BACH1: variants seen among roughly 807,000 people sequenced by gnomAD.
The protein encoded by BACH1 is transcription regulator protein BACH1.
Under a neutral mutation model 52.9 loss-of-function variants are expected in BACH1, and 35 were observed. That is an observed-to-expected ratio of 0.66 (90% CI 0.51 to 0.88). BACH1 has a LOEUF of 0.88. Among genes scored for constraint, BACH1 ranks in the 40% least tolerant of loss-of-function variants. The pLI, the probability that BACH1 is intolerant of heterozygous loss-of-function variation, is 0.00. For missense variants in BACH1, 808 were observed against 872.6 expected (o/e 0.93, Z 0.93); for synonymous variants, 321 against 319.6 (o/e 1.00, Z -0.05).
intron 4 of BACH1, among the ~76,000 whole-genome samples, chr21:29,332,303 A>G (rs904626067): frequency 2.0e-5 from 3 of 152,162 alleles, no homozygotes; most frequent in African/African-American, 7.2e-5. Flanking sequence ...TGTGTTTGGT[A>G]TATTGCTTCT....
intron 4 of BACH1, among the ~76,000 whole-genome samples, chr21:29,330,252 C>T (rs1225038103): frequency 6.6e-6 from 1 of 152,154 alleles, no homozygotes; most frequent in East Asian, 1.9e-4. Context: ...GCAAGCTCTG[C>T]CTGCTGGGTT....
chr21:29,317,669 C>T (rs565732972), intron 1 of BACH1, among the ~76,000 whole-genome samples: 3 of 152,022 alleles, frequency 2.0e-5, no homozygotes, highest in Non-Finnish European at 2.9e-5. Context: ...TGGAAGATGA[C>T]GTAGGGTTTT....
chr21:29,323,755 A>G lies in BACH1; in HGVS notation c.234+2241A>G, dbSNP rs369256095. On this transcript the variant is annotated intron_variant, in intron 2 of 4. Transcript: ENST00000286800. ...GTTTTCATGTACAGATGTAAGAAAC[A>G]ATGCAGAGTTCCTTTTCACTTTGTC... Among the ~76,000 whole-genome samples the G allele has an allele frequency of 2.3e-4, 35 of 152,342 alleles. No homozygotes were observed. In the East Asian group the frequency reaches 4.0e-3, roughly 18 times the overall value.
intron 1 of BACH1, among the ~76,000 whole-genome samples, chr21:29,304,621 A>G (rs1291719527): frequency 6.6e-6 from 1 of 152,082 alleles, no homozygotes; most frequent in East Asian, 1.9e-4. Flanking sequence ...CTGTAGAGTA[A>G]ATAGTATAGT....
chr21:29,350,821 CAG>C (rs1672589013), downstream of BACH1, among the ~76,000 whole-genome samples: 1 of 152,120 alleles, frequency 6.6e-6, no homozygotes, highest in Non-Finnish European at 1.5e-5. Context: ...TACGTGGAGG[CAG>C]AGTCTGGGGG....
intron 4 of BACH1, among the ~76,000 whole-genome samples, chr21:29,342,192 G>C (rs932417744): frequency 6.6e-6 from 1 of 152,186 alleles, no homozygotes; most frequent in African/African-American, 2.4e-5. Flanking sequence ...CCTGAAAAAT[G>C]CTTTGTGCCA....
At chr21:29,302,093 C>G (rs1000034184) in intron 1 of BACH1, among the ~76,000 whole-genome samples, 3 of 152,184 alleles carry the variant, frequency 2.0e-5, no homozygotes, top group Non-Finnish European at 4.4e-5. Flanking sequence ...ATCACCACCT[C>G]TCTTCTAATT....
chr21:29,341,010 AC>A (rs2089106189), intron 4 of BACH1, among the ~76,000 whole-genome samples: 1 of 151,938 alleles, frequency 6.6e-6, no homozygotes, highest in Non-Finnish European at 1.5e-5. Flanking sequence ...AAAAATCTGA[AC>A]AGATTGGAGA....
chr21:29,357,490 A>G (rs1489824251), intron 2 of BACH1, among the ~76,000 whole-genome samples: 2 of 152,196 alleles, frequency 1.3e-5, no homozygotes, highest in South Asian at 4.1e-4. Context: ...AGCGCCTGGT[A>G]TCTGAGTAGG....
At chr21:29,348,583 T>TACACTGATCATTCCTGGGGGA (rs1236781266), downstream of BACH1, among the ~76,000 whole-genome samples, 4 of 152,222 alleles carry the variant, frequency 2.6e-5, no homozygotes, top group African/African-American at 9.6e-5. Context: ...TTTGGCCGTA[T>TACACTGATCATTCCTGGGGGA]ACACTGATCA....
At chr21:29,328,228 T>A (rs1268298369) in intron 3 of BACH1, among the ~76,000 whole-genome samples, 1 of 152,208 alleles carries the variant, frequency 6.6e-6, no homozygotes, top group East Asian at 1.9e-4. Flanking sequence ...TATTGATGAA[T>A]GTCTTAATTT....
chr21:29,308,071 C>T (rs2088678753), intron 1 of BACH1, among the ~76,000 whole-genome samples: 1 of 152,282 alleles, frequency 6.6e-6, no homozygotes. Context: ...TTTCCCTACT[C>T]AGTAGTTCCT....
chr21:29,339,418 G>A (rs2089084342), intron 4 of BACH1, among the ~76,000 whole-genome samples: 1 of 152,038 alleles, frequency 6.6e-6, no homozygotes. Flanking sequence ...TCTCTGAACT[G>A]CCGTTCAGAG....
intron 1 of BACH1, among the ~76,000 whole-genome samples, chr21:29,307,973 G>A (rs1374605579): frequency 6.6e-6 from 1 of 152,168 alleles, no homozygotes; most frequent in Non-Finnish European, 1.5e-5. Flanking sequence ...GCCAGAGTAG[G>A]CTTCTGAACT....
At position 29,342,981 on chromosome 21, in the gene BACH1, G is replaced by A. The variant is rs2089133289; in HGVS notation, c.*148G>A. 1.4e-6 allele frequency: 1 copy of A among 739,942 alleles called. No homozygotes were observed. The highest frequency in any genetic ancestry group is 2.0e-6 in the Non-Finnish European group (1 of 494,426). The allele number at this position is 739,942 out of a possible 1,614,324, so 45.8% of individuals were successfully genotyped here. A position where few individuals can be genotyped will look rare whatever the true frequency, so the allele number is the denominator to read the frequency against. ...AGGGAATTTCCTTTAAGTCAACCAT[G>A]ATTTCTCCTTGATTTCTACAAGAGA... On this transcript the variant is annotated 3_prime_UTR_variant, in exon 5 of 5. Transcript: ENST00000286800.
chr21:29,326,738 A>T lies in BACH1; in HGVS notation c.914A>T (p.Glu305Val). 1 of 1,614,072 alleles carries T rather than the reference A, an allele frequency of 6.2e-7. No individual in the cohort carries two copies. The highest frequency in any genetic ancestry group is 1.1e-5 in the South Asian group (1 of 91,088). ...PASQCPTEKS[E>V]VTPFPHNSSI... ...TCTCAGTGCCCAACTGAAAAATCAG[A>T]AGTGACTCCTTTCCCCCACAATTCT... The change falls in exon 3 of 5, where the codon GAA becomes GTA. Residue 305 changes from glutamate to valine, a missense_variant. By Grantham distance (121) the Glu-to-Val change is moderately radical (BLOSUM62 -2). Coordinates refer to ENST00000286800, the MANE Select transcript of BACH1 (RefSeq NM_001186.4).
At chr21:29,354,711 G>C (rs1224105696) in intron 2 of BACH1, among the ~76,000 whole-genome samples, 1 of 152,244 alleles carries the variant, frequency 6.6e-6, no homozygotes, top group Non-Finnish European at 1.5e-5. Context: ...ATTCAGTGAT[G>C]AGTGTACTGC....
At chr21:29,335,769 G>C (rs1859722268) in intron 4 of BACH1, among the ~76,000 whole-genome samples, 1 of 152,064 alleles carries the variant, frequency 6.6e-6, no homozygotes, top group Admixed American at 6.5e-5. Flanking sequence ...TATCCATCTT[G>C]GTCCTTTTTT....
At position 29,342,410 on chromosome 21, in the gene BACH1, G is replaced by C; in HGVS notation, c.1788G>C (p.Lys596Asn). The C allele has an allele frequency of 6.2e-7, 1 of 1,612,904 alleles. No individual in the cohort carries two copies. Among genetic ancestry groups the C allele is most frequent in the Non-Finnish European group, 8.5e-7 (1 of 1,179,222 alleles). Residue 596 changes from lysine (K) to asparagine (N), a missense_variant, in exon 5 of 5, where the codon AAG (lysine) becomes AAC (asparagine). Physicochemically the swap from Lys to Asn is moderately conservative, Grantham distance 94 (BLOSUM62 0). Coordinates refer to ENST00000286800, the MANE Select transcript of BACH1 (RefSeq NM_001186.4). The stretch of plus-strand genomic sequence containing the variant: ...TCCCCACTTCACAGCAAAGTGAAAA[G>C]GAGAGCTTGTTGAAGGAAAGAGATC... ...ESEIEKLQSE[K>N]ESLLKERDHI...
Sources: gnomAD v4.1 joint callset for allele counts (sites outside exome capture counted in the v4.1 genomes callset) on GRCh38, gnomAD v4.1.1 for gene constraint, MANE v1.5 for transcripts, NCBI Gene and HGNC (gene_info 2026-07-23, HGNC 2026-07-21) for gene names.